Variants in ZHX3 observed in about 807,000 individuals in gnomAD.
The protein encoded by ZHX3 is zinc fingers and homeoboxes 3, also known as zinc fingers and homeoboxes protein 3.
In ZHX3, 20 loss-of-function variants were observed where a neutral mutation model predicts 64.5. That is an observed-to-expected ratio of 0.31 (90% CI 0.22 to 0.45). ZHX3 has a LOEUF of 0.45. Among genes scored for constraint, ZHX3 ranks in the 20% least tolerant of loss-of-function variants. The pLI is 1.00. For missense variants in ZHX3, 1,041 were observed against 1,195.8 expected, an observed-to-expected ratio of 0.87 and a Z score of 1.91; for synonymous variants, 423 against 461.6, an observed-to-expected ratio of 0.92 and a Z score of 1.07.
intron 1 of ZHX3, among the ~76,000 whole-genome samples, chr20:41,280,976 T>C (rs1477609350): frequency 1.3e-5 from 2 of 151,852 alleles, no homozygotes; most frequent in Non-Finnish European, 2.9e-5. Flanking sequence ...GAGCATTAGG[T>C]TGAAAGGGTC....
At chr20:41,301,793 G>A (rs1397179390) in intron 1 of ZHX3, among the ~76,000 whole-genome samples, 1 of 152,024 alleles carries the variant, frequency 6.6e-6, no homozygotes, top group African/African-American at 2.4e-5. Flanking sequence ...GGTGGCTCAC[G>A]CCTGTAATCC....
chr20:41,302,498 C>T (rs1187351592), intron 1 of ZHX3, among the ~76,000 whole-genome samples: 2 of 152,208 alleles, frequency 1.3e-5, no homozygotes, highest in African/African-American at 2.4e-5. Context: ...AGGAGCTTCT[C>T]CATTCCCTCC....
chr20:41,248,659 A>G (rs1193179427), intron 2 of ZHX3, among the ~76,000 whole-genome samples: 1 of 152,194 alleles, frequency 6.6e-6, no homozygotes, highest in East Asian at 1.9e-4. Flanking sequence ...TGGTGCTCAA[A>G]ACTGTATTTC....
intron 1 of ZHX3, among the ~76,000 whole-genome samples, chr20:41,281,085 T>C (rs1424467906): frequency 6.6e-6 from 1 of 152,224 alleles, no homozygotes; most frequent in Admixed American, 6.5e-5. Context: ...AGGAACATGC[T>C]ACAGTTAGGA....
intron 1 of ZHX3, among the ~76,000 whole-genome samples, chr20:41,272,444 CA>C (rs1436805128): frequency 6.6e-6 from 1 of 152,174 alleles, no homozygotes; most frequent in Non-Finnish European, 1.5e-5. Flanking sequence ...GCAACCATCA[CA>C]TTTACCATTA....
chr20:41,268,346 G>A (rs1356938359), intron 2 of ZHX3, among the ~76,000 whole-genome samples: 1 of 135,078 alleles, frequency 7.4e-6, no homozygotes, highest in African/African-American at 3.1e-5. Flanking sequence ...ATCAAATGAA[G>A]GCTCTATTTA....
intron 2 of ZHX3, among the ~76,000 whole-genome samples, chr20:41,238,397 C>A (rs1022652730): frequency 6.6e-6 from 1 of 151,914 alleles, no homozygotes; most frequent in Non-Finnish European, 1.5e-5. Flanking sequence ...AAAAGGAAGG[C>A]AGCAGGGAGT....
chr20:41,204,563 T>G lies in ZHX3; in HGVS notation c.354A>C (p.Ala118=). ...GCAAGGAAAGCCCCTCAGGGGTTTT[T>G]GCCAGAAAACTGCACCCACTGCATA... is the stretch of plus-strand genomic sequence containing the variant. ...TFVCSGCSFL[A]KTPEGLSLHN... Residue 118 remains alanine (A), a synonymous_variant, in exon 3 of 4, where the codon GCA becomes GCC. Coordinates refer to ENST00000683867, the MANE Select transcript of ZHX3 (RefSeq NM_001384317.1). The surrounding 1 kb of genome is among the most constrained non-coding windows in gnomAD (Gnocchi z 6.6). 1 of 1,614,226 alleles carries G rather than the reference T, an allele frequency of 6.2e-7. No homozygotes were observed.
intron 1 of ZHX3, among the ~76,000 whole-genome samples, chr20:41,286,373 T>C (rs2043936779): frequency 6.6e-6 from 1 of 152,240 alleles, no homozygotes; most frequent in Non-Finnish European, 1.5e-5. Context: ...TTTAACTTGA[T>C]ATCACACTCT....
chr20:41,301,607 C>T (rs1476724863), intron 1 of ZHX3, among the ~76,000 whole-genome samples: 6 of 152,130 alleles, frequency 3.9e-5, no homozygotes, highest in African/African-American at 1.2e-4. Context: ...CTCTGTCCAT[C>T]GAGGCAGGAG....
chr20:41,192,008 C>T (rs2037061513), intron 3 of ZHX3, among the ~76,000 whole-genome samples: 1 of 152,186 alleles, frequency 6.6e-6, no homozygotes, highest in African/African-American at 2.4e-5. Context: ...TCAGTAGTGG[C>T]AGCAGTTCCC....
intron 2 of ZHX3, among the ~76,000 whole-genome samples, chr20:41,266,270 C>G (rs2042840479): frequency 6.6e-6 from 1 of 152,100 alleles, no homozygotes; most frequent in African/African-American, 2.4e-5. Flanking sequence ...ATGAGGTAAG[C>G]TGGAGTTAGT....
intron 1 of ZHX3, among the ~76,000 whole-genome samples, chr20:41,303,288 G>T (rs1386357996): frequency 6.6e-6 from 1 of 152,204 alleles, no homozygotes; most frequent in Non-Finnish European, 1.5e-5. Flanking sequence ...AGGTACAAGG[G>T]TGCTAGAATG....
chr20:41,278,539 T>C (rs1414316669), intron 1 of ZHX3, among the ~76,000 whole-genome samples: 3 of 141,038 alleles, frequency 2.1e-5, no homozygotes, highest in Admixed American at 1.4e-4. Context: ...TTGAGCATTC[T>C]TTGCATCTTT....
In ZHX3 at chr20:41,203,496, T is replaced by G. The variant is rs202173471; in HGVS notation, c.1421A>C (p.Asn474Thr). 1 of 1,614,102 alleles carries G rather than the reference T, an allele frequency of 6.2e-7. No individual in the cohort carries two copies. Among genetic ancestry groups the G allele is most frequent in the Non-Finnish European group, 8.5e-7 (1 of 1,180,032 alleles). ...SNTTSAVKVV[N>T]AAQSLLTACP... ...GGCCGTGAGGAGCGACTGGGCCGCA[T>G]TGACCACCTTCACAGCTGACGTTGT... The change falls in exon 3 of 4, where the codon AAT (asparagine) becomes ACT (threonine). Residue 474 changes from asparagine (N) to threonine (T), a missense_variant. Asn to Thr is a moderately conservative substitution (Grantham distance 65, BLOSUM62 0). Coordinates refer to ENST00000683867, the MANE Select transcript of ZHX3 (RefSeq NM_001384317.1). This position sits in a 1 kb window ranked among gnomAD's most constrained non-coding sequence, Gnocchi z 7.1.
chr20:41,273,037 TAA>T (rs2043218681), intron 1 of ZHX3, among the ~76,000 whole-genome samples: 5 of 149,292 alleles, frequency 3.3e-5, no homozygotes, highest in African/African-American at 1.3e-4. Context: ...TCAATGCTTG[TAA>T]TTTTGTTTTT....
intron 3 of ZHX3, among the ~76,000 whole-genome samples, chr20:41,186,042 T>G (rs972122391): frequency 4.6e-5 from 7 of 152,244 alleles, no homozygotes; most frequent in Non-Finnish European, 1.0e-4. Flanking sequence ...CAATTTTAAG[T>G]GTACAATTCA....
chr20:41,195,040 T>G lies in ZHX3; in HGVS notation c.2860+7017A>C, dbSNP rs1298165951. Among the ~76,000 whole-genome samples, 1 of 152,220 alleles carries G rather than the reference T, an allele frequency of 6.6e-6. No homozygotes were observed. Among genetic ancestry groups the G allele is most frequent in the South Asian group, 2.1e-4 (1 of 4,832 alleles). On this transcript the variant is annotated intron_variant, in intron 3 of 3. Coordinates refer to ENST00000683867, the MANE Select transcript of ZHX3 (RefSeq NM_001384317.1). This position sits in a 1 kb window ranked among gnomAD's most constrained non-coding sequence, Gnocchi z 4.2. Reference sequence around the variant, plus strand: ...TATATCTGCTCTAACCTTTATTTCCTTCCTTCTGGTAACTTTGGGTTTCAT... The same window carrying G: ...TATATCTGCTCTAACCTTTATTTCCGTCCTTCTGGTAACTTTGGGTTTCAT...
chr20:41,294,508 C>A (rs2044406222), intron 1 of ZHX3, among the ~76,000 whole-genome samples: 1 of 150,872 alleles, frequency 6.6e-6, no homozygotes, highest in Non-Finnish European at 1.5e-5. Flanking sequence ...ATTACAGGCA[C>A]CCCCCCACCA....
Sources: gnomAD v4.1 joint callset for allele counts (sites outside exome capture counted in the v4.1 genomes callset) on GRCh38, gnomAD v4.1.1 for gene constraint, Gnocchi (gnomAD v3.1) non-coding constraint, MANE v1.5 for transcripts, NCBI Gene and HGNC (gene_info 2026-07-23, HGNC 2026-07-21) for gene names.